IQCM: variants seen among roughly 807,000 people sequenced by gnomAD.
IQCM encodes IQ domain-containing protein M.
IQCM carries 45 observed loss-of-function variants against 57.6 expected under a neutral mutation model. The ratio of observed to expected loss-of-function variants is 0.78; its 90% CI spans 0.62 to 1.00. The LOEUF (loss-of-function observed/expected upper bound fraction) is 1.00, where lower values mean the gene tolerates loss of function less well. IQCM is among the 50% of genes least tolerant of loss of function. IQCM has a pLI of 0.00. For missense variants in IQCM, 468 were observed against 511.6 expected (o/e 0.91, Z 0.82); for synonymous variants, 148 against 158.9 (o/e 0.93, Z 0.51).
At chr4:149,451,878 C>G (rs1180074888) in intron 12 of IQCM, among the ~76,000 whole-genome samples, 2 of 151,454 alleles carry the variant, frequency 1.3e-5, no homozygotes, top group Non-Finnish European at 3.0e-5. Flanking sequence ...TGCCATAAGG[C>G]CAGAAAAAGT....
At chr4:149,481,315 A>G (rs987407342) in intron 12 of IQCM, among the ~76,000 whole-genome samples, 6 of 152,106 alleles carry the variant, frequency 3.9e-5, no homozygotes, top group Non-Finnish European at 5.9e-5. Flanking sequence ...AGTATTACTC[A>G]ATAACTTTTT....
intron 5 of IQCM, among the ~76,000 whole-genome samples, chr4:149,696,449 T>C (rs570788918): frequency 6.6e-6 from 1 of 152,256 alleles, no homozygotes; most frequent in East Asian, 1.9e-4. Context: ...TTTTTGTTTA[T>C]GTTAACTTCA....
chr4:149,498,896 A>C (rs946326372), intron 12 of IQCM, among the ~76,000 whole-genome samples: 1 of 152,158 alleles, frequency 6.6e-6, no homozygotes, highest in African/African-American at 2.4e-5. Flanking sequence ...GAAGTTTTGC[A>C]CTGGAATAAA....
At chr4:149,726,255 C>G (rs988793496) in intron 5 of IQCM, among the ~76,000 whole-genome samples, 1 of 152,230 alleles carries the variant, frequency 6.6e-6, no homozygotes, top group Non-Finnish European at 1.5e-5. Context: ...CCAACACTTT[C>G]GGTCCCATCC....
intron 12 of IQCM, among the ~76,000 whole-genome samples, chr4:149,523,722 TGATA>T (rs1195609776): frequency 6.6e-6 from 1 of 152,096 alleles, no homozygotes; most frequent in Admixed American, 6.6e-5. Flanking sequence ...GTTGACTGAC[TGATA>T]GATTTATATC....
intron 12 of IQCM, among the ~76,000 whole-genome samples, chr4:149,527,619 G>A (rs564824448): frequency 6.6e-5 from 10 of 152,252 alleles, no homozygotes; most frequent in African/African-American, 1.2e-4. Context: ...CAGCCTGAGC[G>A]GAGTAAGATA....
chr4:149,425,255 A>T (rs910128582), intron 13 of IQCM, among the ~76,000 whole-genome samples: 2 of 152,004 alleles, frequency 1.3e-5, no homozygotes, highest in Non-Finnish European at 2.9e-5. Context: ...TTCCAGAGGA[A>T]CAGATCCAAT....
At chr4:149,561,374 T>C (rs2149931667) in intron 10 of IQCM, among the ~76,000 whole-genome samples, 1 of 152,302 alleles carries the variant, frequency 6.6e-6, no homozygotes, top group Non-Finnish European at 1.5e-5. Context: ...TTAAATTATA[T>C]AGCATGTATC....
intron 13 of IQCM, among the ~76,000 whole-genome samples, chr4:149,424,615 G>A (rs934540934): frequency 1.3e-5 from 2 of 151,626 alleles, no homozygotes; most frequent in Admixed American, 6.6e-5. Context: ...AACTATATGA[G>A]TATATTATAC....
At chr4:149,387,635 T>C (rs1317794582) in intron 13 of IQCM, among the ~76,000 whole-genome samples, 1 of 152,102 alleles carries the variant, frequency 6.6e-6, no homozygotes, top group African/African-American at 2.4e-5. Context: ...TTTTAATTAT[T>C]TTCCTCTGAT....
At chr4:149,362,992 A>G (rs987834763) in intron 13 of IQCM, among the ~76,000 whole-genome samples, 1 of 151,830 alleles carries the variant, frequency 6.6e-6, no homozygotes, top group African/African-American at 2.4e-5. Flanking sequence ...TTGACTTTCC[A>G]CTCTCTTCTT....
At chr4:149,657,663 A>G (rs1759755787) in intron 7 of IQCM, among the ~76,000 whole-genome samples, 1 of 151,916 alleles carries the variant, frequency 6.6e-6, no homozygotes. Flanking sequence ...ATCTTCGTTA[A>G]TACTTGTTTT....
chr4:149,392,654 T>C (rs1052919710), intron 13 of IQCM, among the ~76,000 whole-genome samples: 1 of 152,000 alleles, frequency 6.6e-6, no homozygotes, highest in Non-Finnish European at 1.5e-5. Flanking sequence ...TTTATATTTG[T>C]TCCATGCAAG....
intron 13 of IQCM, among the ~76,000 whole-genome samples, chr4:149,426,200 C>A (rs887204163): frequency 6.6e-6 from 1 of 151,972 alleles, no homozygotes; most frequent in Non-Finnish European, 1.5e-5. Context: ...AAATATCAAC[C>A]AGTGACAGCT....
chr4:149,776,944 G>A (rs191223868), intron 2 of IQCM, among the ~76,000 whole-genome samples: 15 of 152,038 alleles, frequency 9.9e-5, no homozygotes, highest in Admixed American at 3.3e-4. Context: ...AATTTCTGTC[G>A]ATAAGGTCCT....
chr4:149,638,695 T>C (rs1421355473), intron 7 of IQCM, among the ~76,000 whole-genome samples: 1 of 152,196 alleles, frequency 6.6e-6, no homozygotes, highest in Non-Finnish European at 1.5e-5. Context: ...CTAATTCCAA[T>C]CAGTGAATTA....
intron 12 of IQCM, among the ~76,000 whole-genome samples, chr4:149,467,602 G>A (rs545917941): frequency 6.6e-6 from 1 of 152,284 alleles, no homozygotes; most frequent in Non-Finnish European, 1.5e-5. Flanking sequence ...GCAAGATTTA[G>A]GAAAACCAAC....
At chr4:149,760,839 A>G (rs1368707360) in intron 2 of IQCM, among the ~76,000 whole-genome samples, 1 of 152,066 alleles carries the variant, frequency 6.6e-6, no homozygotes, top group East Asian at 1.9e-4. Flanking sequence ...AGTTTAAATA[A>G]TATTTAAATA....
chr4:149,806,170 A>G (rs1160504870), intron 2 of IQCM, among the ~76,000 whole-genome samples: 1 of 151,690 alleles, frequency 6.6e-6, no homozygotes, highest in Non-Finnish European at 1.5e-5. Context: ...AAAAGCTGTT[A>G]ATTTTTATGT....
Sources: allele counts gnomAD v4.1 joint callset (sites outside exome capture counted in the v4.1 genomes callset), GRCh38; gene constraint gnomAD v4.1.1; transcripts MANE v1.5; gene names NCBI Gene and HGNC (gene_info 2026-07-23, HGNC 2026-07-21).